TRPM3: variants seen among roughly 807,000 people sequenced by gnomAD.
The protein encoded by TRPM3 is long transient receptor potential channel 3.
Under a neutral mutation model 181.2 loss-of-function variants are expected in TRPM3, and 77 were observed. The observed-to-expected ratio is 0.42, with a 90% confidence interval of 0.35 to 0.51. The LOEUF is 0.51. TRPM3 is among the 20% of genes least tolerant of loss of function. The pLI, the probability that TRPM3 is intolerant of heterozygous loss-of-function variation, is 0.01. For synonymous variants in TRPM3, 745 were observed against 796.4 expected (o/e 0.94, Z 1.09); for missense variants, 1,759 against 2,196.7 (o/e 0.80, Z 3.98).
chr9:71,394,211 AT>A (rs1223378211), intron 1 of TRPM3, among the ~76,000 whole-genome samples: 1 of 152,168 alleles, frequency 6.6e-6, no homozygotes, highest in Non-Finnish European at 1.5e-5. Context: ...TTTATAGTAA[AT>A]ATTCTATTAT....
intron 7 of TRPM3, among the ~76,000 whole-genome samples, chr9:70,773,220 A>C (rs557423558): frequency 1.6e-3 from 245 of 152,288 alleles, no homozygotes; most frequent in African/African-American, 5.7e-3. Context: ...CCACCTTCTT[A>C]GAGGACAACA....
chr9:71,346,239 A>C (rs1466379763), intron 1 of TRPM3, among the ~76,000 whole-genome samples: 1 of 152,224 alleles, frequency 6.6e-6, no homozygotes, highest in South Asian at 2.1e-4. Context: ...ATGAATCGTT[A>C]AAGTATCCAA....
intron 1 of TRPM3, among the ~76,000 whole-genome samples, chr9:71,229,357 G>A (rs561388522): frequency 1.4e-3 from 209 of 152,080 alleles, no homozygotes; most frequent in African/African-American, 4.6e-3. Context: ...CTCAAACTAC[G>A]AAACCACTCA....
At chr9:70,558,292 T>A (rs2048229467) in intron 22 of TRPM3, among the ~76,000 whole-genome samples, 1 of 152,112 alleles carries the variant, frequency 6.6e-6, no homozygotes, top group Non-Finnish European at 1.5e-5. Flanking sequence ...TTTTCTTAAG[T>A]CGATTTCAAT....
chr9:71,287,901 T>C (rs1405340508), intron 1 of TRPM3, among the ~76,000 whole-genome samples: 1 of 152,076 alleles, frequency 6.6e-6, no homozygotes, highest in Non-Finnish European at 1.5e-5. Flanking sequence ...CAATTCTTAT[T>C]AAACCCTTGC....
chr9:70,899,499 C>T (rs930294784), intron 1 of TRPM3, among the ~76,000 whole-genome samples: 2 of 152,160 alleles, frequency 1.3e-5, no homozygotes, highest in Non-Finnish European at 2.9e-5. Context: ...AGTCTCCAAA[C>T]GTTGTGTCAT....
At chr9:71,400,789 C>CTT (rs553371851) in intron 1 of TRPM3, among the ~76,000 whole-genome samples, 2 of 132,934 alleles carry the variant, frequency 1.5e-5, no homozygotes, top group Admixed American at 7.3e-5. Flanking sequence ...TTTACTAGTT[C>CTT]TTTTTTTTTT....
chr9:70,536,813 T>C lies in TRPM3; in HGVS notation c.4300A>G (p.Asn1434Asp). ...CDIDPLDNSV[N>D]ILGLGEPSFS... is the part of the protein sequence containing the mutation. The stretch of plus-strand genomic sequence containing the variant: ...CTTGGCTCGCCCAGCCCAAGGATGT[T>C]CACGGAATTGTCCAGAGGGTCTATA... Residue 1434 changes from asparagine to aspartate, a missense_variant, in exon 26 of 26, where the codon AAC becomes GAC. This residue lies in a region of TRPM3 where 612 missense variants were observed against 590.0 expected (regional missense o/e 1.04). Transcript: ENST00000677713. 1 of 1,614,150 alleles carries C rather than the reference T, an allele frequency of 6.2e-7. No individual in the cohort carries two copies. The highest frequency in any genetic ancestry group is 2.2e-5 in the East Asian group (1 of 44,872).
At chr9:70,581,437 T>C (rs1224857415) in intron 22 of TRPM3, among the ~76,000 whole-genome samples, 1 of 152,256 alleles carries the variant, frequency 6.6e-6, no homozygotes, top group African/African-American at 2.4e-5. Context: ...GACAGTATCT[T>C]GCAAAAGATC....
chr9:70,627,976 A>C (rs1196901464), intron 12 of TRPM3, among the ~76,000 whole-genome samples: 3 of 152,228 alleles, frequency 2.0e-5, no homozygotes, highest in African/African-American at 7.2e-5. Flanking sequence ...GGCAAAAAAT[A>C]TTAAAAAGGG....
chr9:71,294,702 G>T (rs1018802582), intron 1 of TRPM3, among the ~76,000 whole-genome samples: 1 of 152,030 alleles, frequency 6.6e-6, no homozygotes, highest in Non-Finnish European at 1.5e-5. Flanking sequence ...AAAAACATCA[G>T]TCATTATAGC....
chr9:71,223,463 G>T (rs577589296), intron 1 of TRPM3, among the ~76,000 whole-genome samples: 2 of 152,324 alleles, frequency 1.3e-5, no homozygotes, highest in South Asian at 4.1e-4. Context: ...CTTTAGGTGT[G>T]ACCAAGTGTA....
At chr9:71,313,721 T>C (rs1156756427) in intron 1 of TRPM3, among the ~76,000 whole-genome samples, 3 of 152,148 alleles carry the variant, frequency 2.0e-5, no homozygotes, top group Non-Finnish European at 4.4e-5. Flanking sequence ...CCATTTAAAT[T>C]GCAACAATGA....
intron 9 of TRPM3, among the ~76,000 whole-genome samples, chr9:70,675,475 A>G (rs1157043639): frequency 3.9e-5 from 6 of 152,248 alleles, no homozygotes; most frequent in African/African-American, 4.8e-5. Context: ...TGTATCTATA[A>G]GTAATTAAGT....
At chr9:71,317,532 T>G (rs1236773939) in intron 1 of TRPM3, among the ~76,000 whole-genome samples, 2 of 151,706 alleles carry the variant, frequency 1.3e-5, no homozygotes, top group Non-Finnish European at 2.9e-5. Context: ...TCCCAGCTAC[T>G]CAGGAGGCTG....
At position 70,537,235 on chromosome 9, in the gene TRPM3, AT is replaced by A; in HGVS notation, c.3877del (p.Ile1293SerfsTer35). On this transcript the variant is annotated frameshift_variant, in exon 26 of 26. Coordinates refer to ENST00000677713, the MANE Select transcript of TRPM3 (RefSeq NM_001366145.2). LOFTEE classifies it high-confidence loss of function. ...GCAGTCTGACGAGGTCCTCGAGCGG[AT>A]TTTGTTGGACTCGGCCCGCTCCAGA... is the stretch of plus-strand genomic sequence containing the variant. ...TGLERAESNKIRSRTSSDCTD... is the reference protein window; with the variant it reads ...TGLERAESNKXRSRTSSDCTD... The A allele has an allele frequency of 6.3e-7, 1 of 1,597,270 alleles. No individual in the cohort carries two copies. The highest frequency in any genetic ancestry group is 8.6e-7 in the Non-Finnish European group (1 of 1,167,560).
Position 70,552,928 on chromosome 9 carries a change from T to C in TRPM3, c.3490A>G (p.Ser1164Gly). 6.2e-7 allele frequency: 1 copy of C among 1,614,204 alleles called. No individual in the cohort carries two copies. Residue 1164 changes from serine (S) to glycine (G), a missense_variant, in exon 24 of 26, where the codon AGC (serine) becomes GGC (glycine). Ser to Gly is a moderately conservative substitution (Grantham distance 56). Around this residue, in one of 8 missense-constraint regions of TRPM3, gnomAD observed 96 missense variants for 129.6 expected, o/e 0.74. Coordinates refer to ENST00000677713, the MANE Select transcript of TRPM3 (RefSeq NM_001366145.2). ...TGCTGGAATATCATGGTCATGTGGCTGAAGATGATCAGTGGTGGGGGCAGA... is the reference window on the plus strand; with the variant it reads ...TGCTGGAATATCATGGTCATGTGGCCGAAGATGATCAGTGGTGGGGGCAGA... ...PVLPPPLIIF[S>G]HMTMIFQHLC...
At chr9:70,588,403 G>A (rs1244857598) in intron 22 of TRPM3, among the ~76,000 whole-genome samples, 2 of 151,816 alleles carry the variant, frequency 1.3e-5, no homozygotes, top group African/African-American at 4.8e-5. Context: ...ATCCATATAC[G>A]TCCAACCCAA....
At chr9:70,567,970 A>G (rs2051098970) in intron 22 of TRPM3, among the ~76,000 whole-genome samples, 1 of 152,194 alleles carries the variant, frequency 6.6e-6, no homozygotes, top group African/African-American at 2.4e-5. Flanking sequence ...ATGAGAGAGA[A>G]AAAAAGACAG....
Sources: gnomAD v4.1 joint callset for allele counts (sites outside exome capture counted in the v4.1 genomes callset) on GRCh38, gnomAD v4.1.1 for gene constraint, gnomAD v4.1.1 regional missense constraint, MANE v1.5 for transcripts, NCBI Gene and HGNC (gene_info 2026-07-23, HGNC 2026-07-21) for gene names.